Variants in PIGG observed in about 807,000 individuals in gnomAD.
PIGG encodes GPI ethanolamine phosphate transferase 2, catalytic subunit.
In PIGG, 70 loss-of-function variants were observed where a neutral mutation model predicts 83.2. The ratio of observed to expected loss-of-function variants is 0.84; its 90% CI spans 0.69 to 1.03. The LOEUF is 1.03. Ranked by LOEUF, PIGG falls within the 50% of genes least tolerant of loss-of-function variation. The probability of loss-of-function intolerance (pLI) is 0.00; values close to 1 mark genes in which losing one functional copy is unlikely to be tolerated. For missense variants in PIGG, 1,257 were observed against 1,233.6 expected (o/e 1.02, Z -0.28); for synonymous variants, 532 against 519.5 (o/e 1.02, Z -0.33).
At chr4:536,123 C>T (rs1016247823) in intron 12 of PIGG, 3 of 152,308 alleles carry the variant, frequency 2.0e-5, no homozygotes, top group Non-Finnish European at 2.9e-5. Context: ...AGGAACCGTC[C>T]ACCATGGTGG....
chr4:533,993 C>T lies in PIGG; in HGVS notation c.2735+12C>T, dbSNP rs1320152841. 2.5e-6 allele frequency: 4 copies of T among 1,612,956 alleles called. No individual in the cohort carries two copies. The highest frequency in any genetic ancestry group is 3.4e-6 in the Non-Finnish European group (4 of 1,179,128). On this transcript the variant is annotated intron_variant, in intron 12 of 12. Coordinates refer to ENST00000453061, the MANE Select transcript of PIGG (RefSeq NM_001127178.3). The stretch of plus-strand genomic sequence containing the variant: ...TCAGAAACACGCAGGTGAGGCGCCT[C>T]TCTGCCGTCAGCACAGTTCTGGGGG...
intron 8 of PIGG, 90 bp from the exon 9 acceptor site, chr4:523,369 C>A: frequency 1.1e-6 from 1 of 919,280 alleles, no homozygotes; most frequent in Non-Finnish European, 1.7e-6. Flanking sequence ...GTGTCCAGGG[C>A]ATTCTCTGCT....
intron 3 of PIGG, among the ~76,000 whole-genome samples, chr4:506,175 G>C (rs1719613784): frequency 1.3e-5 from 2 of 152,084 alleles, no homozygotes; most frequent in Non-Finnish European, 2.9e-5. Flanking sequence ...TGCCATTGAG[G>C]GGCAGAGAGG....
At chr4:504,406 A>T (rs1160907117) in intron 2 of PIGG, among the ~76,000 whole-genome samples, 1 of 152,170 alleles carries the variant, frequency 6.6e-6, no homozygotes, top group South Asian at 2.1e-4. Flanking sequence ...CCCTGTGTAG[A>T]AACACCATGG....
intron 8 of PIGG, among the ~76,000 whole-genome samples, chr4:523,169 A>G (rs1332304090): frequency 2.0e-5 from 3 of 151,874 alleles, no homozygotes; most frequent in African/African-American, 7.3e-5. Flanking sequence ...AGTCTTTGTC[A>G]CTCACCTTGG....
intron 2 of PIGG, chr4:501,089 C>A (rs1553875616): frequency 2.2e-6 from 1 of 456,228 alleles, no homozygotes; most frequent in Non-Finnish European, 4.4e-6. Flanking sequence ...CTGTTTCCAC[C>A]ATATCCTTCA....
chr4:522,787 C>T, intron 8 of PIGG: 1 of 153,698 alleles, frequency 6.5e-6, no homozygotes, highest in East Asian at 1.9e-4. Flanking sequence ...GAATTAGTAC[C>T]TAGCTGCACG....
At chr4:506,912 C>T (rs1476785534) in intron 3 of PIGG, 6 of 395,562 alleles carry the variant, frequency 1.5e-5, no homozygotes, top group South Asian at 5.3e-5. Context: ...TTAGTTACCT[C>T]ATGACAACTT....
At chr4:512,369 A>G (rs150817634) in intron 5 of PIGG, among the ~76,000 whole-genome samples, 2,285 of 150,752 alleles carry the variant, frequency 0.015, 25 homozygotes, top group Non-Finnish European at 0.021. Flanking sequence ...ACAGGCACCC[A>G]CCACCACCGG....
Position 521,640 on chromosome 4 carries a change from C to T in PIGG, c.1333-20C>T. ...CTCCAAGCCCAGCAGTCTGTGGATG[C>T]TGCTGTTTCTCTGTTCCAGGTTCTC... is the stretch of plus-strand genomic sequence containing the variant. On this transcript the variant is annotated intron_variant, in intron 7 of 12. Transcript: ENST00000453061. The T allele has an allele frequency of 1.2e-6, 2 of 1,609,954 alleles. No homozygotes were observed. The highest frequency in any genetic ancestry group is 1.7e-6 in the Non-Finnish European group (2 of 1,176,736).
At chr4:501,996 C>T (rs1353353591) in intron 2 of PIGG, 1 of 152,226 alleles carries the variant, frequency 6.6e-6, no homozygotes, top group Non-Finnish European at 1.5e-5. Context: ...TTTTGCCGTC[C>T]TGCTGAAACT....
chr4:500,469 G>T lies in PIGG; in HGVS notation c.228G>T (p.Leu76Phe), dbSNP rs782727523. The T allele has an allele frequency of 1.4e-5, 22 of 1,613,644 alleles. No homozygotes were observed. In the South Asian group the frequency reaches 2.0e-4, roughly 14 times the overall value. Residue 76 changes from leucine (L) to phenylalanine (F), a missense_variant, in exon 2 of 13, where the codon TTG (leucine) becomes TTT (phenylalanine). Transcript: ENST00000453061. ...SKVVIVLIDA[L>F]RDDFVFGSKG... ...TTGTTATTGTTCTGATAGATGCCTT[G>T]AGAGATGATTTTGTGTTTGGGTCAA... is the stretch of plus-strand genomic sequence containing the variant.
chr4:507,770 G>A (rs961460361), intron 4 of PIGG, among the ~76,000 whole-genome samples, 177 bp downstream of exon 4: 11 of 152,222 alleles, frequency 7.2e-5, no homozygotes, highest in Non-Finnish European at 1.0e-4. Flanking sequence ...CACTGACTCC[G>A]TCTTCCAGCA....
chr4:523,848 G>A lies in PIGG; in HGVS notation c.2004G>A (p.Leu668=), dbSNP rs1726794400. 2 of 1,597,278 alleles carry A rather than the reference G, an allele frequency of 1.3e-6. No individual in the cohort carries two copies. Among genetic ancestry groups the A allele is most frequent in the Non-Finnish European group, 8.5e-7 (1 of 1,172,246 alleles). The change falls in exon 9 of 13, where the codon CTG becomes CTA. Residue 668 remains leucine, a synonymous_variant. Coordinates refer to ENST00000453061, the MANE Select transcript of PIGG (RefSeq NM_001127178.3). ...PWLILACCRL[L]RSLNQTGVQW... Reference sequence around the variant, plus strand: ...TAATACTGGCCTGCTGCCGGCTGCTGCGCTCCCTAAACCAGACAGGTGTGC... The same window carrying A: ...TAATACTGGCCTGCTGCCGGCTGCTACGCTCCCTAAACCAGACAGGTGTGC...
chr4:523,978 C>T (rs1726852949), intron 9 of PIGG, 65 bp downstream of exon 9: 7 of 1,041,942 alleles, frequency 6.7e-6, no homozygotes, highest in Non-Finnish European at 8.2e-6. Context: ...CTGCCAAGCT[C>T]TTCTTTTTCT....
rs782576736 is a variant in PIGG at position 507,532 on chromosome 4, G to A, written c.698G>A (p.Gly233Glu). Residue 233 changes from glycine (G) to glutamate (E), a missense_variant, in exon 4 of 13, where the codon GGG becomes GAG. Coordinates refer to ENST00000453061, the MANE Select transcript of PIGG (RefSeq NM_001127178.3). ...TCAGGGCCCAACAGCCCCCTGATTG[G>A]GCAGAAGCTGAGCGAGATGGACAGC... is the stretch of plus-strand genomic sequence containing the variant. ...HISGPNSPLIGQKLSEMDSVL... is the reference protein window; with the variant it reads ...HISGPNSPLIEQKLSEMDSVL... 2 of 1,614,080 alleles carry A rather than the reference G, an allele frequency of 1.2e-6. No homozygotes were observed. The highest frequency in any genetic ancestry group is 1.3e-5 in the African/African-American group (1 of 74,928).
chr4:524,140 A>G (rs1726902749), intron 9 of PIGG, among the ~76,000 whole-genome samples: 1 of 152,250 alleles, frequency 6.6e-6, no homozygotes, highest in South Asian at 2.1e-4. Flanking sequence ...TTCATTTATT[A>G]GTGCTGAACC....
At chr4:522,328 G>A (rs934770603) in intron 8 of PIGG, 5 of 446,564 alleles carry the variant, frequency 1.1e-5, no homozygotes, top group East Asian at 3.8e-5. Flanking sequence ...AGAGACAATC[G>A]GCCTGGACAC....
At chr4:509,673 C>G (rs1349375608) in intron 5 of PIGG, among the ~76,000 whole-genome samples, 1 of 152,242 alleles carries the variant, frequency 6.6e-6, no homozygotes, top group African/African-American at 2.4e-5. Flanking sequence ...CTTCTGGGAC[C>G]TCACATCTTT....
Sources: allele counts gnomAD v4.1 joint callset (sites outside exome capture counted in the v4.1 genomes callset), GRCh38; gene constraint gnomAD v4.1.1; transcripts MANE v1.5; gene names NCBI Gene and HGNC (gene_info 2026-07-23, HGNC 2026-07-21).